CENPP: variants seen among roughly 807,000 people sequenced by gnomAD.
CENPP encodes the protein centromere protein P.
CENPP carries 24 observed loss-of-function variants against 35.6 expected under a neutral mutation model. The observed-to-expected ratio is 0.67, with a 90% CI of 0.49 to 0.95. CENPP has a LOEUF of 0.95. Among genes scored for constraint, CENPP ranks in the 40% least tolerant of loss-of-function variants. The pLI, the probability that CENPP is intolerant of heterozygous loss-of-function variation, is 0.00. For missense variants in CENPP, 332 were observed against 345.3 expected, an observed-to-expected ratio of 0.96 and a Z score of 0.31; for synonymous variants, 120 against 125.5, an observed-to-expected ratio of 0.96 and a Z score of 0.29.
intron 5 of CENPP, among the ~76,000 whole-genome samples, chr9:92,522,164 G>T (rs966365992): frequency 6.6e-6 from 1 of 151,990 alleles, no homozygotes; most frequent in African/African-American, 2.4e-5. Context: ...TCTGCTCACT[G>T]CAACCTCCAC....
At chr9:92,524,430 C>T (rs111842705) in intron 5 of CENPP, among the ~76,000 whole-genome samples, 4,598 of 152,252 alleles carry the variant, frequency 0.03, 105 homozygotes, top group Non-Finnish European at 0.044. Flanking sequence ...TGGCCAGGGA[C>T]AAGAGAAACC....
At chr9:92,547,155 C>CA (rs1486899918) in intron 5 of CENPP, among the ~76,000 whole-genome samples, 6 of 151,794 alleles carry the variant, frequency 4.0e-5, no homozygotes, top group South Asian at 4.1e-4. Flanking sequence ...TTAATAGATG[C>CA]AAAAAAAATT....
intron 5 of CENPP, among the ~76,000 whole-genome samples, chr9:92,489,888 G>C (rs1846138982): frequency 6.6e-6 from 1 of 152,216 alleles, no homozygotes; most frequent in Admixed American, 6.5e-5. Context: ...CAGAGTCCAA[G>C]GGGTTTACTT....
At position 92,491,753 on chromosome 9, in the gene CENPP, T is replaced by C. The variant is rs1370899047; in HGVS notation, c.564+111894T>C. Among the ~76,000 whole-genome samples the C allele has an allele frequency of 3.3e-5, 5 of 152,210 alleles. No individual in the cohort carries two copies. The East Asian group carries it at 9.6e-4, about 29-fold the overall frequency. Reference sequence around the variant, plus strand: ...ACTGAATTCCTTTTGATGTCTCTCGTATCTGTGCTGTGAAGGCTCTCACTC... The same window carrying C: ...ACTGAATTCCTTTTGATGTCTCTCGCATCTGTGCTGTGAAGGCTCTCACTC... On this transcript the variant is annotated intron_variant, in intron 5 of 7. Coordinates refer to ENST00000375587, the MANE Select transcript of CENPP (RefSeq NM_001012267.3).
intron 5 of CENPP, among the ~76,000 whole-genome samples, chr9:92,609,826 C>T (rs1401467014): frequency 5.3e-5 from 8 of 149,828 alleles, no homozygotes; most frequent in Non-Finnish European, 8.9e-5. Context: ...CTGCAGCCTC[C>T]GCCTCCTGGG....
At chr9:92,424,939 T>C (rs1362345814) in intron 5 of CENPP, among the ~76,000 whole-genome samples, 2 of 152,094 alleles carry the variant, frequency 1.3e-5, no homozygotes, top group African/African-American at 4.8e-5. Flanking sequence ...ACCTCCCAAA[T>C]TGCTGGGATT....
At chr9:92,598,685 T>G (rs1430653930) in intron 5 of CENPP, among the ~76,000 whole-genome samples, 1 of 151,396 alleles carries the variant, frequency 6.6e-6, no homozygotes, top group African/African-American at 2.4e-5. Flanking sequence ...AAGCAAAGAT[T>G]ACAAAGATTA....
chr9:92,578,479 A>G (rs1024981256), intron 5 of CENPP, among the ~76,000 whole-genome samples: 19 of 152,040 alleles, frequency 1.2e-4, no homozygotes, highest in Non-Finnish European at 2.2e-4. Context: ...CTGACTTTTT[A>G]ATGACTGCCA....
chr9:92,436,478 A>G (rs1844248401), intron 5 of CENPP, among the ~76,000 whole-genome samples: 1 of 152,188 alleles, frequency 6.6e-6, no homozygotes, highest in East Asian at 1.9e-4. Context: ...AGAACTCTTT[A>G]CAAAGTCCTA....
chr9:92,576,911 A>G (rs968612140), intron 5 of CENPP, among the ~76,000 whole-genome samples: 14 of 152,210 alleles, frequency 9.2e-5, no homozygotes, highest in Admixed American at 3.9e-4. Context: ...CACCAAAAAT[A>G]CTAACAAAAT....
chr9:92,521,664 T>C (rs1848079115), intron 5 of CENPP, among the ~76,000 whole-genome samples: 2 of 152,342 alleles, frequency 1.3e-5, no homozygotes, highest in Non-Finnish European at 2.9e-5. Flanking sequence ...TTAATACGTT[T>C]TTAAAAATGC....
At position 92,549,578 on chromosome 9, in the gene CENPP, C is replaced by CA. The variant is rs200722464; in HGVS notation, c.565-61733dup. ...AGGACAATCACTTGAACCTGGGAGG[C>CA]AAAGGTTACAGTGAGCCAAGATCGC... On this transcript the variant is annotated intron_variant, in intron 5 of 7. Coordinates refer to ENST00000375587, the MANE Select transcript of CENPP (RefSeq NM_001012267.3). Among the ~76,000 whole-genome samples the CA allele has an allele frequency of 7.3e-3, 1,065 of 146,534 alleles. 11 individuals are homozygous for CA. The highest frequency in any genetic ancestry group is 0.023 in the African/African-American group (895 of 39,082).
intron 4 of CENPP, among the ~76,000 whole-genome samples, chr9:92,351,590 T>A (rs746204256): frequency 2.6e-5 from 4 of 152,156 alleles, no homozygotes; most frequent in Non-Finnish European, 5.9e-5. Context: ...TAATACTATC[T>A]AAGTATTAAT....
At chr9:92,398,112 T>C (rs1842966274) in intron 5 of CENPP, among the ~76,000 whole-genome samples, 1 of 152,222 alleles carries the variant, frequency 6.6e-6, no homozygotes, top group South Asian at 2.1e-4. Flanking sequence ...CATAACACTG[T>C]GCATAACAAA....
At chr9:92,525,814 C>T (rs765470655) in intron 5 of CENPP, among the ~76,000 whole-genome samples, 7 of 146,928 alleles carry the variant, frequency 4.8e-5, no homozygotes, top group Admixed American at 3.5e-4. Context: ...CGCTTAAACC[C>T]GGGAGGCGGA....
intron 5 of CENPP, among the ~76,000 whole-genome samples, chr9:92,453,524 A>G (rs551860113): frequency 7.0e-4 from 107 of 152,190 alleles, no homozygotes; most frequent in Non-Finnish European, 1.3e-3. Context: ...TTCCAACTAT[A>G]TGGTCAATTT....
chr9:92,582,484 C>G (rs1850450842), intron 5 of CENPP, among the ~76,000 whole-genome samples: 1 of 151,958 alleles, frequency 6.6e-6, no homozygotes, highest in African/African-American at 2.4e-5. Flanking sequence ...ATCCTCTTCC[C>G]AAGATAACAA....
At chr9:92,584,574 C>T (rs1254391118) in intron 5 of CENPP, among the ~76,000 whole-genome samples, 2 of 152,198 alleles carry the variant, frequency 1.3e-5, no homozygotes, top group South Asian at 4.2e-4. Context: ...CTCTTGGGCT[C>T]AAGCCACCCT....
At chr9:92,567,397 G>GATAGATAGAT (rs1318149536) in intron 5 of CENPP, among the ~76,000 whole-genome samples, 22 of 51,590 alleles carry the variant, frequency 4.3e-4, no homozygotes, top group African/African-American at 1.9e-3. Flanking sequence ...TATATATATA[G>GATAGATAGAT]ATATATATAT....
Sources: gnomAD v4.1 joint callset for allele counts (sites outside exome capture counted in the v4.1 genomes callset) on GRCh38, gnomAD v4.1.1 for gene constraint, MANE v1.5 for transcripts, NCBI Gene and HGNC (gene_info 2026-07-23, HGNC 2026-07-21) for gene names.